JARID2: variants seen among roughly 807,000 people sequenced by gnomAD.
JARID2 encodes jumonji and AT-rich interaction domain containing 2.
A neutral mutation model predicts 125.6 loss-of-function variants in JARID2; 21 were observed. The observed-to-expected ratio is 0.17, with a 90% confidence interval of 0.12 to 0.24. The LOEUF (loss-of-function observed/expected upper bound fraction) is 0.24, where lower values mean the gene tolerates loss of function less well. Among genes scored for constraint, JARID2 ranks in the 10% least tolerant of loss-of-function variants. The pLI is 1.00. For missense variants in JARID2, 1,303 were observed against 1,639.6 expected, an observed-to-expected ratio of 0.79 and a Z score of 3.55; for synonymous variants, 736 against 661.6, an observed-to-expected ratio of 1.11 and a Z score of -1.73.
chr6:15,276,196 A>C (rs1421580767), intron 1 of JARID2, among the ~76,000 whole-genome samples: 6 of 152,164 alleles, frequency 3.9e-5, no homozygotes, highest in African/African-American at 1.4e-4. Flanking sequence ...TAAATGTCCT[A>C]GTTAATTTAA....
intron 1 of JARID2, among the ~76,000 whole-genome samples, chr6:15,282,037 C>G (rs564520893): frequency 6.6e-6 from 1 of 151,536 alleles, no homozygotes; most frequent in Non-Finnish European, 1.5e-5. Flanking sequence ...GTAACCTTTG[C>G]CTCCCGAGTT....
intron 5 of JARID2, among the ~76,000 whole-genome samples, chr6:15,477,042 G>A (rs907526925): frequency 8.5e-5 from 13 of 152,142 alleles, no homozygotes; most frequent in South Asian, 8.3e-4. Flanking sequence ...ACTTAAAAAC[G>A]GAAGGAAGAA....
chr6:15,457,982 G>A lies in JARID2; in HGVS notation c.493+5807G>A, dbSNP rs78425296. Among the ~76,000 whole-genome samples the A allele has an allele frequency of 7.5e-3, 1,148 of 152,188 alleles. 28 individuals carry two copies. The East Asian group carries it at 0.091, about 12-fold the overall frequency. ...GGAGGATGGGATGAATAGTGCAGCC[G>A]GCCCGAGGTATTTGCCCGCAGTGTA... On this transcript the variant is annotated intron_variant, in intron 4 of 17. Coordinates refer to ENST00000341776, the MANE Select transcript of JARID2 (RefSeq NM_004973.4).
chr6:15,512,180 G>A (rs750305411), intron 13 of JARID2, 28 bp from the exon 14 acceptor site: 9 of 1,604,954 alleles, frequency 5.6e-6, no homozygotes, highest in Middle Eastern at 1.7e-4. Flanking sequence ...ACAGGGAGGG[G>A]TGCCTCAGCC....
At chr6:15,468,272 T>G (rs1176700247) in intron 4 of JARID2, among the ~76,000 whole-genome samples, 2 of 150,426 alleles carry the variant, frequency 1.3e-5, no homozygotes, top group African/African-American at 4.9e-5. Flanking sequence ...TCCTTGGAGG[T>G]GTTTGTTTTT....
At chr6:15,289,998 G>A (rs1306559000) in intron 1 of JARID2, among the ~76,000 whole-genome samples, 5 of 152,184 alleles carry the variant, frequency 3.3e-5, no homozygotes, top group Non-Finnish European at 7.3e-5. Context: ...ACAAATTAGT[G>A]AGCTTCTATT....
At position 15,507,144 on chromosome 6, in the gene JARID2, C is replaced by T. The variant is rs1459776164; in HGVS notation, c.2550C>T (p.Tyr850=). ...EPAPAEIEQE[Y]WRLVEEKDCH... ...TTTCCTGTTCCCTGCAGCAAGAGTA[C>T]TGGAGGCTAGTGGAAGAGAAGGACT... Residue 850 remains tyrosine, a synonymous_variant, in exon 10 of 18, where the codon TAC becomes TAT. Coordinates refer to ENST00000341776, the MANE Select transcript of JARID2 (RefSeq NM_004973.4). 3.7e-6 allele frequency: 6 copies of T among 1,608,268 alleles called. No homozygotes were observed. Among genetic ancestry groups the T allele is most frequent in the East Asian group, 2.2e-5 (1 of 44,844 alleles).
At chr6:15,512,178 G>T in intron 13 of JARID2, 30 bp from the exon 14 acceptor site, 1 of 1,603,622 alleles carries the variant, frequency 6.2e-7, no homozygotes. Flanking sequence ...GCACAGGGAG[G>T]GGTGCCTCAG....
chr6:15,488,050 C>T (rs1001646273), intron 6 of JARID2, among the ~76,000 whole-genome samples: 1 of 152,170 alleles, frequency 6.6e-6, no homozygotes, highest in East Asian at 1.9e-4. Context: ...CTGGGTGGCA[C>T]CTCTTCCACT....
chr6:15,423,544 GT>G (rs1766594102), intron 3 of JARID2, among the ~76,000 whole-genome samples: 1 of 152,160 alleles, frequency 6.6e-6, no homozygotes, highest in Admixed American at 6.5e-5. Flanking sequence ...GGTATTTTAA[GT>G]TCACTTTTAT....
chr6:15,426,448 C>T (rs1766731005), intron 3 of JARID2, among the ~76,000 whole-genome samples: 2 of 152,104 alleles, frequency 1.3e-5, no homozygotes, highest in Admixed American at 1.3e-4. Context: ...ATTGGACAGG[C>T]CCAGCTAGGC....
At chr6:15,481,840 A>T (rs1413819673) in intron 5 of JARID2, among the ~76,000 whole-genome samples, 1 of 152,192 alleles carries the variant, frequency 6.6e-6, no homozygotes, top group Non-Finnish European at 1.5e-5. Flanking sequence ...TATCTCATCA[A>T]AATATTCTTT....
chr6:15,407,116 G>A (rs1035238127), intron 2 of JARID2, among the ~76,000 whole-genome samples: 2 of 152,028 alleles, frequency 1.3e-5, no homozygotes, highest in Non-Finnish European at 2.9e-5. Context: ...AAAAAAATTA[G>A]TGGGGCATGG....
At chr6:15,505,365 T>TTTC (rs1554146732) in intron 9 of JARID2, 22 of 130,370 alleles carry the variant, frequency 1.7e-4, no homozygotes, top group African/African-American at 5.9e-4. Flanking sequence ...TTTTTTTTTT[T>TTTC]CCCCTTAATG....
chr6:15,284,937 C>T (rs927827337), intron 1 of JARID2, among the ~76,000 whole-genome samples: 1 of 152,028 alleles, frequency 6.6e-6, no homozygotes, highest in African/African-American at 2.4e-5. Context: ...GTAGAGTCAC[C>T]CTAAGAACTG....
At chr6:15,488,763 C>T (rs978251999) in intron 6 of JARID2, among the ~76,000 whole-genome samples, 8 of 152,078 alleles carry the variant, frequency 5.3e-5, no homozygotes, top group African/African-American at 1.9e-4. Context: ...GGGGGGTGGG[C>T]ATGGCAAGAA....
intron 5 of JARID2, among the ~76,000 whole-genome samples, chr6:15,474,333 T>A (rs1561888285): frequency 2.0e-5 from 3 of 152,244 alleles, no homozygotes; most frequent in Admixed American, 1.3e-4. Flanking sequence ...CAACCATTTC[T>A]AGATGATTAA....
intron 1 of JARID2, among the ~76,000 whole-genome samples, chr6:15,329,010 T>C (rs1762620490): frequency 6.6e-6 from 1 of 152,178 alleles, no homozygotes; most frequent in African/African-American, 2.4e-5. Flanking sequence ...GGCTTTTTTT[T>C]TCTAGTTCTT....
intron 1 of JARID2, among the ~76,000 whole-genome samples, chr6:15,316,012 CT>C (rs146136045): frequency 2.0e-4 from 30 of 148,886 alleles, no homozygotes; most frequent in African/African-American, 3.9e-4. Flanking sequence ...GTCCTGCTTC[CT>C]TTTTTTTTTC....
Sources: allele counts gnomAD v4.1 joint callset (sites outside exome capture counted in the v4.1 genomes callset), GRCh38; gene constraint gnomAD v4.1.1; transcripts MANE v1.5; gene names NCBI Gene and HGNC (gene_info 2026-07-23, HGNC 2026-07-21).